Variants in CALB2 observed in about 807,000 individuals in gnomAD.
CALB2 encodes the protein calbindin 2, also known as calretinin.
Under a neutral mutation model 45.9 loss-of-function variants are expected in CALB2, and 34 were observed. The ratio of observed to expected loss-of-function variants is 0.74; its 90% confidence interval spans 0.56 to 0.99. The LOEUF (loss-of-function observed/expected upper bound fraction) is 0.99. Ranked by LOEUF, CALB2 falls within the 50% of genes least tolerant of loss-of-function variation. The pLI is 0.00. For synonymous variants in CALB2, 142 were observed against 129.6 expected, an observed-to-expected ratio of 1.10 and a Z score of -0.65; for missense variants, 344 against 339.3, an observed-to-expected ratio of 1.01 and a Z score of -0.11.
At position 71,387,640 on chromosome 16, in the gene CALB2, TC is replaced by T. The variant is rs530585801; in HGVS notation, c.699+1996del. 2.6e-5 allele frequency among the ~76,000 whole-genome samples: 4 copies of T among 152,236 alleles called. No individual in the cohort carries two copies. In the South Asian group the frequency reaches 8.3e-4, roughly 32 times the overall value. ...AGGCCATGGCAACTCACTAGAGCCT[TC>T]CCCAGTTTTAAGTGAAACTTATAGG... On this transcript the variant is annotated intron_variant, in intron 10 of 10. Coordinates refer to ENST00000302628, the MANE Select transcript of CALB2 (RefSeq NM_001740.5).
intron 1 of CALB2, among the ~76,000 whole-genome samples, chr16:71,359,496 T>C (rs1391547499): frequency 6.6e-6 from 1 of 152,146 alleles, no homozygotes; most frequent in Non-Finnish European, 1.5e-5. Context: ...GCGGGCAGCG[T>C]TGGGGTGCCA....
chr16:71,366,346 AG>A (rs1308604168), intron 1 of CALB2, among the ~76,000 whole-genome samples: 4 of 27,532 alleles, frequency 1.5e-4, no homozygotes, highest in African/African-American at 3.9e-4. Context: ...TTTTTTTTTG[AG>A]AGAGAGAGAG....
chr16:71,384,924 C>A, intron 9 of CALB2, 88 bp downstream of exon 9: 2 of 1,163,920 alleles, frequency 1.7e-6, no homozygotes, highest in South Asian at 2.5e-5. Flanking sequence ...GAAGAGACAG[C>A]TTTCCAGGGG....
At position 71,366,022 on chromosome 16, in the gene CALB2, C is replaced by CTTTTTTTTTTTTTTT. The variant is rs1447467571; in HGVS notation, c.95-6130_95-6129insTTTTTTTTTTTTTTT. Among the ~76,000 whole-genome samples, 86 of 50,516 alleles carry CTTTTTTTTTTTTTTT rather than the reference C, an allele frequency of 1.7e-3. 21 individuals are homozygous for CTTTTTTTTTTTTTTT. Among genetic ancestry groups the CTTTTTTTTTTTTTTT allele is most frequent in the Admixed American group, 2.8e-3 (8 of 2,896 alleles). 33.1% of individuals were successfully genotyped at this position (50,516 alleles called of 152,430 possible). ...TTTCTTTGTTTTCTTCCCTCTCTCTCTCTTTTTTTTTTTTTTTTTTTTGAG... is the reference window on the plus strand; with the variant it reads ...TTTCTTTGTTTTCTTCCCTCTCTCTCTTTTTTTTTTTTTTTTCTTTTTTTTTTTTTTTTTTTTGAG... On this transcript the variant is annotated intron_variant, in intron 1 of 10. Coordinates refer to ENST00000302628, the MANE Select transcript of CALB2 (RefSeq NM_001740.5).
chr16:71,387,621 T>C (rs768574974), intron 10 of CALB2, among the ~76,000 whole-genome samples: 1 of 152,310 alleles, frequency 6.6e-6, no homozygotes, highest in African/African-American at 2.4e-5. Flanking sequence ...CCCAAGGCCA[T>C]GGCAACTCAC....
intron 3 of CALB2, among the ~76,000 whole-genome samples, chr16:71,376,485 GCATCCACATA>G (rs921154090): frequency 1.3e-5 from 2 of 151,718 alleles, no homozygotes; most frequent in African/African-American, 4.9e-5. Flanking sequence ...ACACCCACAT[GCATCCACATA>G]CATCCACATA....
At chr16:71,361,418 C>T (rs1254898003) in intron 1 of CALB2, among the ~76,000 whole-genome samples, 2 of 152,196 alleles carry the variant, frequency 1.3e-5, no homozygotes, top group Non-Finnish European at 2.9e-5. Flanking sequence ...CTGAGGCACT[C>T]CCAGCCCTGT....
chr16:71,374,252 T>C (rs1183975999), intron 2 of CALB2, among the ~76,000 whole-genome samples: 1 of 152,210 alleles, frequency 6.6e-6, no homozygotes, highest in Non-Finnish European at 1.5e-5. Context: ...CCTCCTGATA[T>C]GAAAATCAAG....
chr16:71,384,780 C>A lies in CALB2; in HGVS notation c.574-3C>A. On this transcript the variant is annotated splice_region_variant and splice_polypyrimidine_tract_variant and intron_variant, in intron 8 of 10. Transcript: ENST00000302628. ...TCTGTCTTTAATACCCTGGTTCTTG[C>A]AGGGCATGAAGCTGACCTCAGAGGA... 6.9e-7 allele frequency: 1 copy of A among 1,441,754 alleles called. No individual in the cohort carries two copies. The highest frequency in any genetic ancestry group is 1.9e-5 in the African/African-American group (1 of 51,650). The allele number at this position is 1,441,754 out of a possible 1,614,324, so 89.3% of individuals were successfully genotyped here. A position where few individuals can be genotyped will look rare whatever the true frequency, so the allele number is the denominator to read the frequency against.
rs575978985 is a variant in CALB2 at position 71,384,963 on chromosome 16, C to T, written c.627+127C>T. The T allele has an allele frequency of 4.3e-5, 33 of 763,846 alleles. No homozygotes were observed. In the African/African-American group the frequency reaches 4.7e-4, roughly 11 times the overall value. 47.3% of individuals were successfully genotyped at this position (763,846 alleles called of 1,614,324 possible). A position where few individuals can be genotyped will look rare whatever the true frequency, so the allele number is the denominator to read the frequency against. On this transcript the variant is annotated intron_variant, in intron 9 of 10. Transcript: ENST00000302628. ...CCTGGGCCGTGTGGTTTCTTCCTGC[C>T]GCATCTTCTGCTGTATGAGAAGGCA...
intron 1 of CALB2, among the ~76,000 whole-genome samples, chr16:71,359,189 C>T (rs1204804800): frequency 6.6e-6 from 1 of 152,242 alleles, no homozygotes; most frequent in African/African-American, 2.4e-5. Context: ...CAGGTTCCCC[C>T]TGCCATCTCC....
At position 71,383,984 on chromosome 16, in the gene CALB2, C is replaced by T. The variant is rs1040223223; in HGVS notation, c.492C>T (p.Asp164=). ...GTCCCCAACAGCTACGGATGTTTGA[C>T]TTGAACGGGGATGGCAAATTGGGCC... ...EYTQTILRMF[D]LNGDGKLGLS... Residue 164 remains aspartate, a synonymous_variant, in exon 7 of 11, where the codon GAC becomes GAT. Transcript: ENST00000302628. 1.9e-6 allele frequency: 3 copies of T among 1,613,896 alleles called. No individual in the cohort carries two copies. The highest frequency in any genetic ancestry group is 4.5e-5 in the East Asian group (2 of 44,884).
intron 1 of CALB2, among the ~76,000 whole-genome samples, chr16:71,360,232 T>C (rs1226872209): frequency 1.3e-5 from 2 of 152,090 alleles, no homozygotes; most frequent in African/African-American, 4.8e-5. Context: ...CAGAGTGCTA[T>C]GGGGAGGCAG....
intron 3 of CALB2, among the ~76,000 whole-genome samples, chr16:71,375,248 C>CAT (rs898644126): frequency 4.6e-5 from 7 of 152,320 alleles, no homozygotes; most frequent in South Asian, 2.1e-4. Context: ...CAGTAATTTA[C>CAT]ATATATATAC....
At chr16:71,383,586 A>G (rs926790859) in intron 6 of CALB2, 142 bp downstream of exon 6, 10 of 737,700 alleles carry the variant, frequency 1.4e-5, no homozygotes, top group Non-Finnish European at 2.0e-5. Flanking sequence ...GCAAAAAGGG[A>G]TGCTACTTCG....
At chr16:71,385,419 A>C (rs1225843970) in intron 9 of CALB2, 158 bp from the exon 10 acceptor site, 1 of 531,162 alleles carries the variant, frequency 1.9e-6, no homozygotes, top group African/African-American at 1.9e-5. Context: ...ATGACTGGTT[A>C]AGGCAGAAGG....
At chr16:71,366,020 C>CTTTTTTTTTTTTTTTTTTTTTTTTTT (rs2042281945) in intron 1 of CALB2, among the ~76,000 whole-genome samples, 3 of 28,874 alleles carry the variant, frequency 1.0e-4, no homozygotes, top group African/African-American at 4.1e-4. Flanking sequence ...TTCCCTCTCT[C>CTTTTTTTTTTTTTTTTTTTTTTTTTT]TCTCTTTTTT....
chr16:71,369,086 A>T (rs561704427), intron 1 of CALB2, among the ~76,000 whole-genome samples: 34 of 152,082 alleles, frequency 2.2e-4, no homozygotes, highest in Admixed American at 6.5e-4. Context: ...TGCTCCCCTA[A>T]ATCTTTCCAA....
intron 1 of CALB2, among the ~76,000 whole-genome samples, chr16:71,366,024 C>CTCTTTTTTTTTTTTT (rs1567534845): frequency 8.9e-5 from 4 of 45,068 alleles, no homozygotes; most frequent in African/African-American, 3.8e-4. Flanking sequence ...CTCTCTCTCT[C>CTCTTTTTTTTTTTTT]TTTTTTTTTT....
Sources: gnomAD v4.1 joint callset for allele counts (sites outside exome capture counted in the v4.1 genomes callset) on GRCh38, gnomAD v4.1.1 for gene constraint, MANE v1.5 for transcripts, NCBI Gene and HGNC (gene_info 2026-07-23, HGNC 2026-07-21) for gene names.